EPHA3: variants seen among roughly 807,000 people sequenced by gnomAD.
EPHA3 encodes the protein EPH receptor A3.
Under a neutral mutation model 107.1 loss-of-function variants are expected in EPHA3, and 42 were observed. The ratio of observed to expected loss-of-function variants is 0.39; its 90% CI spans 0.31 to 0.51. The LOEUF (loss-of-function observed/expected upper bound fraction) is 0.51. EPHA3 is among the 20% of genes least tolerant of loss of function. The probability of loss-of-function intolerance (pLI) is 0.78; values close to 1 mark genes in which losing one functional copy is unlikely to be tolerated. For missense variants in EPHA3, 1,183 were observed against 1,211.2 expected, an observed-to-expected ratio of 0.98 and a Z score of 0.35; for synonymous variants, 461 against 424.8, an observed-to-expected ratio of 1.09 and a Z score of -1.05.
intron 3 of EPHA3, among the ~76,000 whole-genome samples, chr3:89,310,042 A>G (rs1380375116): frequency 6.6e-6 from 1 of 152,062 alleles, no homozygotes; most frequent in African/African-American, 2.4e-5. Flanking sequence ...GAAAACTCAC[A>G]GGGTGAGCTC....
intron 6 of EPHA3, among the ~76,000 whole-genome samples, chr3:89,397,570 G>A (rs1022193164): frequency 2.7e-5 from 4 of 148,740 alleles, no homozygotes; most frequent in Non-Finnish European, 4.5e-5. Flanking sequence ...AATGCAACAA[G>A]CATCATTGCC....
Position 89,255,913 on chromosome 3 carries a change from A to C in EPHA3, c.814+45393A>C, listed in dbSNP as rs2107270896. Among the ~76,000 whole-genome samples, 6 of 151,712 alleles carry C rather than the reference A, an allele frequency of 4.0e-5. No homozygotes were observed. In the Middle Eastern group the frequency reaches 0.02, roughly 516 times the overall value. Reference sequence around the variant, plus strand: ...GAGACTCCATCTCAAAAAATAAATAAATAAATAAATAAATAAAAATAAAAA... The same window carrying C: ...GAGACTCCATCTCAAAAAATAAATACATAAATAAATAAATAAAAATAAAAA... On this transcript the variant is annotated intron_variant, in intron 3 of 16. Transcript: ENST00000336596.
At chr3:89,356,923 T>C (rs1215192937) in intron 5 of EPHA3, among the ~76,000 whole-genome samples, 1 of 149,278 alleles carries the variant, frequency 6.7e-6, no homozygotes, top group Non-Finnish European at 1.5e-5. Context: ...GGAAACATGG[T>C]GAAACCCTGT....
intron 5 of EPHA3, among the ~76,000 whole-genome samples, chr3:89,366,477 G>C (rs557678725): frequency 2.0e-5 from 3 of 150,960 alleles, no homozygotes; most frequent in African/African-American, 7.2e-5. Context: ...TTCTATGCGG[G>C]TGGTTGTACA....
chr3:89,208,446 G>GAAAGAAAGAA (rs1706171021), intron 2 of EPHA3, among the ~76,000 whole-genome samples: 1 of 107,378 alleles, frequency 9.3e-6, no homozygotes, highest in Non-Finnish European at 1.8e-5. Context: ...AAGAAAGAAA[G>GAAAGAAAGAA]AAAGAAAGAA....
intron 15 of EPHA3, among the ~76,000 whole-genome samples, chr3:89,453,671 A>C (rs1188502708): frequency 6.6e-6 from 1 of 152,182 alleles, no homozygotes; most frequent in African/African-American, 2.4e-5. Flanking sequence ...CTATGTCAAG[A>C]AGTTTTTTTC....
chr3:89,109,699 T>C (rs1409387464), intron 1 of EPHA3, among the ~76,000 whole-genome samples: 3 of 152,050 alleles, frequency 2.0e-5, no homozygotes, highest in Non-Finnish European at 4.4e-5. Context: ...TCACCTCATG[T>C]ATGTTTGGGG....
At chr3:89,169,884 A>G (rs1705171202) in intron 2 of EPHA3, among the ~76,000 whole-genome samples, 1 of 152,148 alleles carries the variant, frequency 6.6e-6, no homozygotes, top group Non-Finnish European at 1.5e-5. Flanking sequence ...AGCCTTTGTT[A>G]ATTAGATACA....
intron 5 of EPHA3, among the ~76,000 whole-genome samples, chr3:89,357,452 A>G (rs1316530686): frequency 1.3e-5 from 2 of 151,162 alleles, no homozygotes; most frequent in Non-Finnish European, 3.0e-5. Flanking sequence ...TATTTTAAAG[A>G]AAGAAAATTT....
intron 2 of EPHA3, among the ~76,000 whole-genome samples, chr3:89,168,850 A>T (rs1454608386): frequency 6.6e-6 from 1 of 152,158 alleles, no homozygotes; most frequent in Non-Finnish European, 1.5e-5. Context: ...ATTGAAATTT[A>T]AAAATTTAGA....
chr3:89,303,158 T>G (rs140110876), intron 3 of EPHA3, among the ~76,000 whole-genome samples: 3,307 of 152,182 alleles, frequency 0.022, 114 homozygotes, highest in African/African-American at 0.075. Context: ...GGCCTCCCAA[T>G]GTGCTGGGAT....
intron 3 of EPHA3, among the ~76,000 whole-genome samples, chr3:89,242,975 A>G (rs1053632724): frequency 5.2e-5 from 7 of 134,846 alleles, no homozygotes; most frequent in African/African-American, 1.4e-4. Context: ...TCATTGTTCA[A>G]TTCCCACCTA....
chr3:89,180,260 A>G (rs116771513), intron 2 of EPHA3, among the ~76,000 whole-genome samples: 1 of 151,940 alleles, frequency 6.6e-6, no homozygotes, highest in Non-Finnish European at 1.5e-5. Context: ...CCAGGCTTGA[A>G]TGTGGAAATA....
chr3:89,297,782 C>T lies in EPHA3; in HGVS notation c.815-43134C>T, dbSNP rs148633556. Among the ~76,000 whole-genome samples the T allele has an allele frequency of 3.6e-3, 542 of 152,190 alleles. 1 individual carries two copies. Among genetic ancestry groups the T allele is most frequent in the Non-Finnish European group, 6.2e-3 (421 of 68,010 alleles). On this transcript the variant is annotated intron_variant, in intron 3 of 16. Coordinates refer to ENST00000336596, the MANE Select transcript of EPHA3 (RefSeq NM_005233.6). ...AGGCATGGTGGCTCACGCCTGTAAT[C>T]CCAGCACTTTGGGAGGCCGAGGTGG... is the stretch of plus-strand genomic sequence containing the variant.
intron 3 of EPHA3, among the ~76,000 whole-genome samples, chr3:89,288,531 T>C (rs1179205730): frequency 2.6e-5 from 4 of 152,134 alleles, no homozygotes; most frequent in Admixed American, 2.6e-4. Flanking sequence ...GAGTATTCTA[T>C]TACTGCATGG....
chr3:89,311,621 G>A (rs1438977446), intron 3 of EPHA3, among the ~76,000 whole-genome samples: 22 of 152,108 alleles, frequency 1.4e-4, no homozygotes, highest in Non-Finnish European at 1.0e-4. Flanking sequence ...AGGACCCAAT[G>A]GATTTAGAAG....
chr3:89,408,428 C>T (rs1401293714), intron 9 of EPHA3, among the ~76,000 whole-genome samples: 1 of 152,070 alleles, frequency 6.6e-6, no homozygotes, highest in East Asian at 1.9e-4. Flanking sequence ...GGCTGAAATG[C>T]AAAGCGTATC....
chr3:89,446,872 T>C (rs1166990964), intron 13 of EPHA3, among the ~76,000 whole-genome samples: 1 of 152,084 alleles, frequency 6.6e-6, no homozygotes, highest in Non-Finnish European at 1.5e-5. Context: ...GCAAAGGCAG[T>C]TAGAAAAATG....
Position 89,300,756 on chromosome 3 carries a change from A to G in EPHA3, c.815-40160A>G, listed in dbSNP as rs534834304. On this transcript the variant is annotated intron_variant, in intron 3 of 16. Coordinates refer to ENST00000336596, the MANE Select transcript of EPHA3 (RefSeq NM_005233.6). ...ATACTGAGTCACTATAGTGTCTGCC[A>G]TTTATTTTAATAAAGGATATCCTGT... 9.2e-5 allele frequency among the ~76,000 whole-genome samples: 14 copies of G among 152,136 alleles called. No individual in the cohort carries two copies. In the East Asian group the frequency reaches 2.7e-3, roughly 29 times the overall value.
Sources: allele counts gnomAD v4.1 joint callset (sites outside exome capture counted in the v4.1 genomes callset), GRCh38; gene constraint gnomAD v4.1.1; transcripts MANE v1.5; gene names NCBI Gene and HGNC (gene_info 2026-07-23, HGNC 2026-07-21).